The following MYRF variants were observed in gnomAD, a reference collection of about 807,000 sequenced individuals.
MYRF encodes myelin regulatory factor, also known as myelin gene regulatory factor.
In MYRF, 16 loss-of-function variants were observed where a neutral mutation model predicts 126.3. The ratio of observed to expected loss-of-function variants is 0.13; its 90% CI spans 0.09 to 0.19. MYRF has a LOEUF of 0.19. Among genes scored for constraint, MYRF ranks in the 10% least tolerant of loss-of-function variants. The probability of loss-of-function intolerance (pLI) is 1.00; values close to 1 mark genes in which losing one functional copy is unlikely to be tolerated. For missense variants in MYRF, 1,104 were observed against 1,547.0 expected (o/e 0.71, Z 4.80); for synonymous variants, 608 against 635.3 (o/e 0.96, Z 0.65).
Position 61,773,957 on chromosome 11 carries a change from GC to G in MYRF, c.1116-3del, listed in dbSNP as rs375062395. ...GGGCCTCAGGGGAGTGCCCTCACCC[GC>G]CCCCCCAGGCCCATGCTCACCTACC... On this transcript the variant is annotated splice_polypyrimidine_tract_variant and intron_variant, in intron 7 of 26. Coordinates refer to ENST00000278836, the MANE Select transcript of MYRF (RefSeq NM_001127392.3). The G allele has an allele frequency of 2.4e-5, 21 of 888,334 alleles. No homozygotes were observed. Among genetic ancestry groups the G allele is most frequent in the Middle Eastern group, 2.5e-4 (1 of 4,010 alleles). 55.0% of individuals were successfully genotyped at this position (888,334 alleles called of 1,614,324 possible).
intron 1 of MYRF, 104 bp downstream of exon 1, chr11:61,752,894 T>C: frequency 8.6e-7 from 1 of 1,162,308 alleles, no homozygotes; most frequent in Non-Finnish European, 1.2e-6. Context: ...CTCCTCTGGC[T>C]GGGACCCTCC....
At position 61,778,342 on chromosome 11, in the gene MYRF, ACCCC is replaced by A; in HGVS notation, c.1904-34_1904-31del. 7.5e-7 allele frequency: 1 copy of A among 1,326,348 alleles called. No homozygotes were observed. Among genetic ancestry groups the A allele is most frequent in the African/African-American group, 1.5e-5 (1 of 67,688 alleles). 82.2% of individuals were successfully genotyped at this position (1,326,348 alleles called of 1,614,324 possible). A position where few individuals can be genotyped will look rare whatever the true frequency, so the allele number is the denominator to read the frequency against. On this transcript the variant is annotated intron_variant, in intron 13 of 26. Transcript: ENST00000278836. The surrounding 1 kb of genome is among the most constrained non-coding windows in gnomAD (Gnocchi z 4.6). ...ACAAAGCTGTGAGTAGCCCTTTACC[ACCCC>A]CCCACCCATCTTTGGCTTGTCCCCT...
chr11:61,764,023 T>C (rs1183100548), intron 1 of MYRF, among the ~76,000 whole-genome samples: 1 of 152,214 alleles, frequency 6.6e-6, no homozygotes, highest in African/African-American at 2.4e-5. Context: ...GCACACAGAC[T>C]GGCCACGCCC....
chr11:61,771,485 C>T lies in MYRF; in HGVS notation c.741-15C>T, dbSNP rs375277828. The T allele has an allele frequency of 1.9e-6, 3 of 1,606,840 alleles. No homozygotes were observed. Among genetic ancestry groups the T allele is most frequent in the Non-Finnish European group, 1.7e-6 (2 of 1,175,194 alleles). On this transcript the variant is annotated splice_polypyrimidine_tract_variant and intron_variant, in intron 5 of 26. Transcript: ENST00000278836. Reference sequence around the variant, plus strand: ...GGAGAGCCAGCCCCCACGGCGCACACTTCTGTTTCCCCAGGCTCCCTACAC... The same window carrying T: ...GGAGAGCCAGCCCCCACGGCGCACATTTCTGTTTCCCCAGGCTCCCTACAC...
intron 1 of MYRF, among the ~76,000 whole-genome samples, chr11:61,765,070 C>T (rs2066016158): frequency 6.6e-6 from 1 of 152,224 alleles, no homozygotes; most frequent in African/African-American, 2.4e-5. Flanking sequence ...GCCCTGTGGG[C>T]CCCCAGGATA....
intron 1 of MYRF, among the ~76,000 whole-genome samples, chr11:61,764,785 G>A (rs974210114): frequency 4.6e-5 from 7 of 152,204 alleles, no homozygotes; most frequent in Admixed American, 1.3e-4. Context: ...TCCTCTAGGG[G>A]CCCCTCCCCT....
Position 61,771,752 on chromosome 11 carries a change from T to C in MYRF, c.991+2T>C. On this transcript the variant is annotated splice_donor_variant, in intron 6 of 26. Coordinates refer to ENST00000278836, the MANE Select transcript of MYRF (RefSeq NM_001127392.3). LOFTEE classifies it high-confidence loss of function. ...ACCCGCCAGGTGCCCCCTCCCCAGG[T>C]ACATGGCTGGCCAACTCTTCAAGGT... 1 of 1,612,270 alleles carries C rather than the reference T, an allele frequency of 6.2e-7. No individual in the cohort carries two copies. The highest frequency in any genetic ancestry group is 8.5e-7 in the Non-Finnish European group (1 of 1,178,916).
intron 19 of MYRF, 44 bp downstream of exon 19, chr11:61,780,836 C>T: frequency 1.9e-6 from 3 of 1,557,134 alleles, no homozygotes; most frequent in Non-Finnish European, 2.6e-6. Context: ...CCTGCTGCCC[C>T]TCTTCCTGCC....
intron 1 of MYRF, among the ~76,000 whole-genome samples, chr11:61,760,043 A>T (rs2065861085): frequency 6.6e-6 from 1 of 151,444 alleles, no homozygotes; most frequent in East Asian, 2.0e-4. Context: ...ATCTCGGCTC[A>T]CTGCAACCTC....
At chr11:61,754,790 G>A (rs2065700326) in intron 1 of MYRF, among the ~76,000 whole-genome samples, 1 of 152,194 alleles carries the variant, frequency 6.6e-6, no homozygotes, top group Admixed American at 6.5e-5. Context: ...CGTCTAGGAG[G>A]GCTGGGCTGG....
At position 61,783,807 on chromosome 11, in the gene MYRF, T is replaced by A. The variant is rs1179849697; in HGVS notation, c.3120-44T>A. On this transcript the variant is annotated intron_variant, in intron 23 of 26. Coordinates refer to ENST00000278836, the MANE Select transcript of MYRF (RefSeq NM_001127392.3). The surrounding 1 kb of genome is among the most constrained non-coding windows in gnomAD (Gnocchi z 4.6). The stretch of plus-strand genomic sequence containing the variant: ...AGGAGTCCCTGGTGGGGGTGGGGGG[T>A]GGCAGGGTACCCTCAGGCTAAGGTG... 4 of 1,546,634 alleles carry A rather than the reference T, an allele frequency of 2.6e-6. No homozygotes were observed. The South Asian group carries it at 4.7e-5, about 18-fold the overall frequency.
intron 24 of MYRF, 81 bp from the exon 25 acceptor site, chr11:61,784,199 C>T (rs1326056543): frequency 4.6e-6 from 6 of 1,302,350 alleles, no homozygotes; most frequent in East Asian, 4.9e-5. Flanking sequence ...GATTCAGAGG[C>T]GTGTGGCAGG....
At position 61,781,815 on chromosome 11, in the gene MYRF, G is replaced by A. The variant is rs138785249; in HGVS notation, c.3007G>A (p.Gly1003Ser). 162 of 1,559,356 alleles carry A rather than the reference G, an allele frequency of 1.0e-4. No homozygotes were observed. Among genetic ancestry groups the A allele is most frequent in the Non-Finnish European group, 1.2e-4 (139 of 1,157,598 alleles). The change falls in exon 22 of 27, where the codon GGC becomes AGC. Residue 1003 changes from glycine to serine, a missense_variant. Gly to Ser is a moderately conservative substitution (Grantham distance 56). Coordinates refer to ENST00000278836, the MANE Select transcript of MYRF (RefSeq NM_001127392.3). ...CCCTGCTGAGCCCACCTGGGCCCAG[G>A]GCCAGTCAGGTACTTGCTGCACCCC... ...VGPAEPTWAQ[G>S]QSASLLAEPV...
Position 61,770,323 on chromosome 11 carries a change from C to T in MYRF, c.538C>T (p.Pro180Ser). The change falls in exon 5 of 27, where the codon CCA (proline) becomes TCA (serine). Residue 180 changes from proline (P) to serine (S), a missense_variant. Transcript: ENST00000278836. ...GVPSRLEHPP[P>S]PPAHLPGPPP... Reference sequence around the variant, plus strand: ...GCCCTCCCGCCTGGAGCATCCGCCCCCACCTCCAGCCCACTTGCCAGGCCC... The same window carrying T: ...GCCCTCCCGCCTGGAGCATCCGCCCTCACCTCCAGCCCACTTGCCAGGCCC... The T allele has an allele frequency of 1.9e-6, 3 of 1,581,502 alleles. No homozygotes were observed. The South Asian group carries it at 3.5e-5, about 18-fold the overall frequency.
Position 61,769,264 on chromosome 11 carries a change from C to T in MYRF, c.403C>T (p.Leu135=), listed in dbSNP as rs2066142817. 1 of 1,603,082 alleles carries T rather than the reference C, an allele frequency of 6.2e-7. No homozygotes were observed. The highest frequency in any genetic ancestry group is 8.5e-7 in the Non-Finnish European group (1 of 1,175,430). ...EPKAPYAPGT[L]PDSPPDSGSE... is the part of the protein sequence containing the mutation. ...CCCTTCCCCTGGCTCTCGCAGCACA[C>T]TGCCGGACTCTCCCCCAGACTCGGG... The change falls in exon 4 of 27, where the codon CTG becomes TTG. Residue 135 remains leucine (L), a synonymous_variant. Transcript: ENST00000278836.
rs768944508 is a variant in MYRF, at chr11:61,776,073, G to A, written c.1329G>A (p.Gln443=). ...LHGVKLEALN[Q]SINIEQSQSD... is the part of the protein sequence containing the mutation. The stretch of plus-strand genomic sequence containing the variant: ...CCCCACAGCTGGAGGCCCTGAACCA[G>A]TCCATTAACATCGAGCAGTCCCAGT... The change falls in exon 9 of 27, where the codon CAG becomes CAA. Residue 443 remains glutamine (Q), a synonymous_variant. Coordinates refer to ENST00000278836, the MANE Select transcript of MYRF (RefSeq NM_001127392.3). This position sits in a 1 kb window ranked among gnomAD's most constrained non-coding sequence, Gnocchi z 4.3. 26 of 1,613,922 alleles carry A rather than the reference G, an allele frequency of 1.6e-5. No homozygotes were observed. The highest frequency in any genetic ancestry group is 2.2e-5 in the Non-Finnish European group (26 of 1,179,966).
intron 16 of MYRF, 119 bp from the exon 17 acceptor site, chr11:61,779,723 C>A: frequency 8.2e-7 from 1 of 1,217,298 alleles, no homozygotes; most frequent in Non-Finnish European, 1.2e-6. Context: ...TTTCTTCTCC[C>A]TTTGCCCCCG....
At chr11:61,771,165 G>A (rs1277494084) in intron 5 of MYRF, among the ~76,000 whole-genome samples, 1 of 152,210 alleles carries the variant, frequency 6.6e-6, no homozygotes, top group African/African-American at 2.4e-5. Context: ...GACCTTGAGT[G>A]TGACACTGCA....
chr11:61,765,361 C>T (rs1166793677), intron 1 of MYRF, among the ~76,000 whole-genome samples: 1 of 152,196 alleles, frequency 6.6e-6, no homozygotes, highest in Admixed American at 6.5e-5. Flanking sequence ...CCTCTCTGTA[C>T]CCAGATCCAT....
Sources: allele counts gnomAD v4.1 joint callset (sites outside exome capture counted in the v4.1 genomes callset), GRCh38; gene constraint gnomAD v4.1.1; non-coding constraint Gnocchi (gnomAD v3.1); transcripts MANE v1.5; gene names NCBI Gene and HGNC (gene_info 2026-07-23, HGNC 2026-07-21).